GCH1: variants seen among roughly 807,000 people sequenced by gnomAD.
GCH1 encodes the protein GTP cyclohydrolase I.
Under a neutral mutation model 25.9 loss-of-function variants are expected in GCH1, and 5 were observed. That is an observed-to-expected ratio of 0.19 (90% CI 0.10 to 0.41). The LOEUF is 0.41. GCH1 is among the 10% of genes least tolerant of loss of function. The pLI, the probability that GCH1 is intolerant of heterozygous loss-of-function variation, is 1.00. For missense variants in GCH1, 261 were observed against 336.5 expected (o/e 0.78, Z 1.75); for synonymous variants, 159 against 129.6 (o/e 1.23, Z -1.54).
chr14:54,846,489 C>A (rs1211089116), intron 4 of GCH1, among the ~76,000 whole-genome samples: 2 of 151,258 alleles, frequency 1.3e-5, no homozygotes, highest in Non-Finnish European at 1.5e-5. Context: ...ATGGATGTGG[C>A]AAAAATGTTT....
chr14:54,875,311 CA>C (rs1412488739), intron 1 of GCH1, among the ~76,000 whole-genome samples: 2 of 152,158 alleles, frequency 1.3e-5, no homozygotes, highest in Non-Finnish European at 2.9e-5. Flanking sequence ...ACACCTTATA[CA>C]AAAATTAATT....
chr14:54,860,150 G>T (rs954416229), intron 2 of GCH1, among the ~76,000 whole-genome samples: 1 of 152,104 alleles, frequency 6.6e-6, no homozygotes, highest in Admixed American at 6.5e-5. Context: ...TAGAATTTTT[G>T]ATCAGTGTTT....
chr14:54,859,474 G>T, intron 3 of GCH1: 1 of 590,958 alleles, frequency 1.7e-6, no homozygotes, highest in Non-Finnish European at 3.0e-6. Context: ...ATGGAAGAAA[G>T]GGTGGGAAGT....
chr14:54,902,001 C>G (rs1317776340), intron 1 of GCH1, among the ~76,000 whole-genome samples: 1 of 152,172 alleles, frequency 6.6e-6, no homozygotes, highest in African/African-American at 2.4e-5. Context: ...GCTGGGCGCT[C>G]AGGCGAGAGG....
At chr14:54,871,484 C>T (rs1296997649) in intron 1 of GCH1, among the ~76,000 whole-genome samples, 1 of 152,204 alleles carries the variant, frequency 6.6e-6, no homozygotes, top group Non-Finnish European at 1.5e-5. Flanking sequence ...AGCAACGGAA[C>T]AAAGCCAGAC....
At position 54,863,280 on chromosome 14, in the gene GCH1, A is replaced by T. The variant is rs572653642; in HGVS notation, c.453+2047T>A. Among the ~76,000 whole-genome samples, 314 of 151,914 alleles carry T rather than the reference A, an allele frequency of 2.1e-3. 2 individuals carry two copies. The highest frequency in any genetic ancestry group is 0.014 in the Middle Eastern group (4 of 294). The stretch of plus-strand genomic sequence containing the variant: ...TAAAAATACAACAACAAAATTAGCC[A>T]GCATGGTGGCAGGCGCCTGTAGTCC... On this transcript the variant is annotated intron_variant, in intron 2 of 5. Transcript: ENST00000491895.
chr14:54,877,578 C>T lies in GCH1; in HGVS notation c.344-12142G>A, dbSNP rs181527664. Among the ~76,000 whole-genome samples, 109 of 152,200 alleles carry T rather than the reference C, an allele frequency of 7.2e-4. 1 individual carries two copies. The highest frequency in any genetic ancestry group is 2.5e-3 in the African/African-American group (103 of 41,536). On this transcript the variant is annotated intron_variant, in intron 1 of 5. Coordinates refer to ENST00000491895, the MANE Select transcript of GCH1 (RefSeq NM_000161.3). Reference sequence around the variant, plus strand: ...GCACAATCTCAGCTCACTGCAACCTCCACCTCCTAGGCTCAGGTGATCCTC... The same window carrying T: ...GCACAATCTCAGCTCACTGCAACCTTCACCTCCTAGGCTCAGGTGATCCTC...
intron 1 of GCH1, among the ~76,000 whole-genome samples, chr14:54,885,786 G>T (rs1347023789): frequency 6.6e-6 from 1 of 152,214 alleles, no homozygotes; most frequent in Non-Finnish European, 1.5e-5. Flanking sequence ...CTACTCAGGG[G>T]GCTGAGGCAC....
At chr14:54,901,174 G>C (rs574369642) in intron 1 of GCH1, among the ~76,000 whole-genome samples, 1 of 151,702 alleles carries the variant, frequency 6.6e-6, no homozygotes, top group South Asian at 2.1e-4. Flanking sequence ...CTATTTGGTG[G>C]AATCGCTCTA....
rs944665606 is a variant in GCH1 at position 54,902,576 on chromosome 14, G to A, written c.88C>T (p.Pro30Ser). Reference protein sequence around the residue: ...NGFPERDPPRPGPSRPAEKPP... With the variant: ...NGFPERDPPRSGPSRPAEKPP... The stretch of plus-strand genomic sequence containing the variant: ...TTCTCCGCCGGCCTGCTGGGCCCGG[G>A]CCGCGGCGGATCCCGCTCGGGGAAC... Residue 30 changes from proline to serine, a missense_variant, in exon 1 of 6, where the codon CCC becomes TCC. Transcript: ENST00000491895. 3.3e-6 allele frequency: 5 copies of A among 1,493,862 alleles called. No individual in the cohort carries two copies. Among genetic ancestry groups the A allele is most frequent in the Admixed American group, 2.3e-5 (1 of 42,596 alleles). The allele number at this position is 1,493,862 out of a possible 1,614,324, so 92.5% of individuals were successfully genotyped here. A position where few individuals can be genotyped will look rare whatever the true frequency, so the allele number is the denominator to read the frequency against.
rs962427931 is a variant in GCH1, at chr14:54,873,456, T to C, written c.344-8020A>G. Among the ~76,000 whole-genome samples, 483 of 151,956 alleles carry C rather than the reference T, an allele frequency of 3.2e-3. 3 individuals are homozygous for C. Among genetic ancestry groups the C allele is most frequent in the African/African-American group, 0.011 (450 of 41,466 alleles). On this transcript the variant is annotated intron_variant, in intron 1 of 5. Coordinates refer to ENST00000491895, the MANE Select transcript of GCH1 (RefSeq NM_000161.3). ...AGAACTAGAGAAGCAAGAGCAAACA[T>C]ATTCAAAAGCTAGCAGAAGGCAAGA...
chr14:54,887,654 G>A (rs1282687273), intron 1 of GCH1, among the ~76,000 whole-genome samples: 2 of 152,190 alleles, frequency 1.3e-5, no homozygotes, highest in Non-Finnish European at 2.9e-5. Context: ...TAGATGATAT[G>A]AAGGAATGAA....
intron 1 of GCH1, among the ~76,000 whole-genome samples, chr14:54,879,963 T>TTG (rs992940420): frequency 8.5e-6 from 1 of 117,986 alleles, no homozygotes; most frequent in Non-Finnish European, 1.6e-5. Flanking sequence ...CCAGCCTGGG[T>TTG]GACAGAGTAA....
intron 1 of GCH1, among the ~76,000 whole-genome samples, chr14:54,866,081 C>T (rs17128033): frequency 0.042 from 6,349 of 151,678 alleles, 497 homozygotes; most frequent in African/African-American, 0.15. Context: ...AAGCTGTGGA[C>T]CCTGGCACTT....
At chr14:54,863,690 A>C (rs1374937857) in intron 2 of GCH1, among the ~76,000 whole-genome samples, 2 of 152,132 alleles carry the variant, frequency 1.3e-5, no homozygotes, top group African/African-American at 4.8e-5. Context: ...CATATCGTAG[A>C]ATCTTTCCAC....
In GCH1 at chr14:54,844,025, T is replaced by C. The variant is rs2039600745; in HGVS notation, c.745A>G (p.Arg249Gly). ...KTREEFLTLI[R>G]S ...CACACACTGAATGAAGCTCAGCTCC[T>C]AATGAGAGTCAGGAACTCTTCCCGA... is the stretch of plus-strand genomic sequence containing the variant. The change falls in exon 6 of 6, where the codon AGG becomes GGG. Residue 249 changes from arginine (R) to glycine (G), a missense_variant. Physicochemically the swap from Arg to Gly is moderately radical, Grantham distance 125. Coordinates refer to ENST00000491895, the MANE Select transcript of GCH1 (RefSeq NM_000161.3). The C allele has an allele frequency of 6.2e-7, 1 of 1,614,148 alleles. No individual in the cohort carries two copies. The highest frequency in any genetic ancestry group is 8.5e-7 in the Non-Finnish European group (1 of 1,179,964).
chr14:54,855,421 G>T (rs577955263), intron 3 of GCH1, among the ~76,000 whole-genome samples: 2 of 145,442 alleles, frequency 1.4e-5, no homozygotes, highest in Admixed American at 1.4e-4. Context: ...CAGGAGAATC[G>T]CTTGAACCCA....
chr14:54,902,217 G>T (rs1419528121), intron 1 of GCH1, 104 bp downstream of exon 1: 5 of 1,286,722 alleles, frequency 3.9e-6, no homozygotes, highest in East Asian at 5.0e-5. Flanking sequence ...GGCTTCCTGC[G>T]CCAAAAGTGA....
intron 1 of GCH1, among the ~76,000 whole-genome samples, chr14:54,900,372 G>C (rs1043539265): frequency 6.6e-6 from 1 of 151,170 alleles, no homozygotes; most frequent in Admixed American, 6.6e-5. Flanking sequence ...ATCACACCCG[G>C]CTAATTTTTT....
Sources: allele counts gnomAD v4.1 joint callset (sites outside exome capture counted in the v4.1 genomes callset), GRCh38; gene constraint gnomAD v4.1.1; transcripts MANE v1.5; gene names NCBI Gene and HGNC (gene_info 2026-07-23, HGNC 2026-07-21).